The following XRCC4 variants were observed in gnomAD, a reference collection of about 807,000 sequenced individuals.
XRCC4 encodes DNA repair protein XRCC4.
XRCC4 carries 28 observed loss-of-function variants against 39.1 expected under a neutral mutation model. That is an observed-to-expected ratio of 0.72 (90% CI 0.53 to 0.98). The LOEUF is 0.98. XRCC4 is among the 50% of genes least tolerant of loss of function. The pLI is 0.00. For synonymous variants in XRCC4, 123 were observed against 126.4 expected (o/e 0.97, Z 0.18); for missense variants, 350 against 376.4 (o/e 0.93, Z 0.58).
At chr5:83,098,452 G>A (rs1745778596) in intron 1 of XRCC4, among the ~76,000 whole-genome samples, 1 of 151,952 alleles carries the variant, frequency 6.6e-6, no homozygotes, top group African/African-American at 2.4e-5. Context: ...CTGGACAGGT[G>A]GTTACCTTAC....
At chr5:83,202,449 T>C (rs1197716642) in intron 4 of XRCC4, among the ~76,000 whole-genome samples, 1 of 152,208 alleles carries the variant, frequency 6.6e-6, no homozygotes, top group Non-Finnish European at 1.5e-5. Context: ...TTCCTTTTTA[T>C]CCTATGATAC....
At chr5:83,117,464 A>G (rs748371219) in intron 3 of XRCC4, among the ~76,000 whole-genome samples, 1 of 152,264 alleles carries the variant, frequency 6.6e-6, no homozygotes, top group Admixed American at 6.5e-5. Flanking sequence ...CTTTAGAAAA[A>G]TATTCATTTA....
chr5:83,160,951 G>A (rs1749177155), intron 3 of XRCC4, among the ~76,000 whole-genome samples: 1 of 152,056 alleles, frequency 6.6e-6, no homozygotes, highest in Non-Finnish European at 1.5e-5. Context: ...TGGTGCTTAT[G>A]TGGGCCAGTT....
At chr5:83,116,633 T>G (rs961954372) in intron 3 of XRCC4, among the ~76,000 whole-genome samples, 9 of 109,188 alleles carry the variant, frequency 8.2e-5, no homozygotes, top group African/African-American at 2.8e-4. Context: ...TTTTTTTTTT[T>G]TTTTTTGAGA....
intron 6 of XRCC4, among the ~76,000 whole-genome samples, chr5:83,229,537 TG>T (rs1048255434): frequency 4.6e-5 from 7 of 151,482 alleles, no homozygotes; most frequent in Non-Finnish European, 8.8e-5. Context: ...GTTCTTATTT[TG>T]GGGGGAAAAA....
intron 6 of XRCC4, among the ~76,000 whole-genome samples, chr5:83,232,555 C>T (rs1401530806): frequency 6.6e-6 from 1 of 151,974 alleles, no homozygotes; most frequent in African/African-American, 2.4e-5. Flanking sequence ...AAAGAGTAGG[C>T]ATTAGAGCAT....
chr5:83,285,416 G>C lies in XRCC4; in HGVS notation c.893+26739G>C, dbSNP rs558421672. Among the ~76,000 whole-genome samples, 5 of 152,188 alleles carry C rather than the reference G, an allele frequency of 3.3e-5. No homozygotes were observed. The East Asian group carries it at 9.7e-4, about 29-fold the overall frequency. On this transcript the variant is annotated intron_variant, in intron 7 of 7. Transcript: ENST00000396027. ...TCATTTAACTTTAAGGAATATACAGGTAGACTATGAGAGTTACTGAGCTAT... is the reference window on the plus strand; with the variant it reads ...TCATTTAACTTTAAGGAATATACAGCTAGACTATGAGAGTTACTGAGCTAT...
chr5:83,135,046 G>T (rs753812719), intron 3 of XRCC4, among the ~76,000 whole-genome samples: 9 of 152,188 alleles, frequency 5.9e-5, no homozygotes, highest in African/African-American at 1.9e-4. Context: ...GCGAGGGTCC[G>T]CAGCTTCATT....
intron 3 of XRCC4, among the ~76,000 whole-genome samples, chr5:83,165,887 C>CTT (rs34887034): frequency 2.2e-4 from 28 of 125,816 alleles, no homozygotes; most frequent in Non-Finnish European, 3.7e-4. Flanking sequence ...TTTTTTCTTT[C>CTT]TTTTTTTTTT....
chr5:83,284,807 C>A (rs890349479), intron 7 of XRCC4, among the ~76,000 whole-genome samples: 1 of 151,962 alleles, frequency 6.6e-6, no homozygotes, highest in Non-Finnish European at 1.5e-5. Context: ...ATTGTGACAC[C>A]TCTTAAAGTT....
intron 1 of XRCC4, among the ~76,000 whole-genome samples, chr5:83,101,071 A>G (rs1301459958): frequency 6.6e-6 from 1 of 152,078 alleles, no homozygotes; most frequent in African/African-American, 2.4e-5. Flanking sequence ...TGCCTAATTG[A>G]TGGGGCTATA....
intron 3 of XRCC4, among the ~76,000 whole-genome samples, chr5:83,162,875 G>T (rs1361238676): frequency 1.3e-5 from 2 of 150,696 alleles, no homozygotes; most frequent in African/African-American, 4.9e-5. Flanking sequence ...AGTCTCTCAG[G>T]TCTGGTGTTA....
At chr5:83,203,756 G>C (rs1751309295) in intron 5 of XRCC4, 49 bp downstream of exon 5, 2 of 1,591,128 alleles carry the variant, frequency 1.3e-6, no homozygotes, top group East Asian at 4.5e-5. Flanking sequence ...CATTTAAGTG[G>C]AATTTCTTCC....
At chr5:83,100,794 G>A (rs1165810497) in intron 1 of XRCC4, among the ~76,000 whole-genome samples, 1 of 151,870 alleles carries the variant, frequency 6.6e-6, no homozygotes, top group Non-Finnish European at 1.5e-5. Flanking sequence ...TCAATGATTG[G>A]CATAGAAAAA....
chr5:83,128,501 G>A (rs1398372066), intron 3 of XRCC4, among the ~76,000 whole-genome samples: 1 of 152,096 alleles, frequency 6.6e-6, no homozygotes. Flanking sequence ...TAATGGGATG[G>A]CTGGGTCAAA....
chr5:83,204,808 T>C lies in XRCC4; in HGVS notation c.639-7T>C, dbSNP rs780802180. The C allele has an allele frequency of 6.3e-5, 101 of 1,604,614 alleles. No homozygotes were observed. Among genetic ancestry groups the C allele is most frequent in the Non-Finnish European group, 8.4e-5 (99 of 1,173,808 alleles). On this transcript the variant is annotated splice_polypyrimidine_tract_variant and splice_region_variant and intron_variant, in intron 5 of 7. Transcript: ENST00000396027. ...TTATTTATAATTCTACCTTTCTCTG[T>C]TTCTAGGGAAACTGCAATCTGTTCT...
At chr5:83,250,706 C>T (rs1197350639) in intron 6 of XRCC4, among the ~76,000 whole-genome samples, 2 of 152,144 alleles carry the variant, frequency 1.3e-5, no homozygotes, top group Non-Finnish European at 1.5e-5. Context: ...TTTCTTAAAT[C>T]AGTTTGCTCA....
At chr5:83,157,610 CA>C (rs869238057) in intron 3 of XRCC4, among the ~76,000 whole-genome samples, 1 of 151,544 alleles carries the variant, frequency 6.6e-6, no homozygotes, top group African/African-American at 2.4e-5. Flanking sequence ...ATCAGTAAAG[CA>C]AAGATAGAAT....
At chr5:83,171,303 G>A (rs1291855617) in intron 3 of XRCC4, among the ~76,000 whole-genome samples, 1 of 152,078 alleles carries the variant, frequency 6.6e-6, no homozygotes, top group Admixed American at 6.6e-5. Context: ...CACCAGAGGA[G>A]CATTTCTAAA....
Sources: gnomAD v4.1 joint callset for allele counts (sites outside exome capture counted in the v4.1 genomes callset) on GRCh38, gnomAD v4.1.1 for gene constraint, MANE v1.5 for transcripts, NCBI Gene and HGNC (gene_info 2026-07-23, HGNC 2026-07-21) for gene names.